HECW1: variants seen among roughly 807,000 people sequenced by gnomAD.
HECW1 encodes the protein HECT, C2 and WW domain containing E3 ubiquitin protein ligase 1.
A neutral mutation model predicts 182.3 loss-of-function variants in HECW1; 61 were observed. The observed-to-expected ratio is 0.33, with a 90% CI of 0.27 to 0.41. HECW1 has a LOEUF of 0.41. HECW1 is among the 10% of genes least tolerant of loss of function. HECW1 has a pLI of 1.00. For synonymous variants in HECW1, 859 were observed against 832.6 expected (o/e 1.03, Z -0.55); for missense variants, 1,739 against 2,108.9 (o/e 0.82, Z 3.44).
At chr7:43,537,326 G>T (rs1046525739) in intron 24 of HECW1, among the ~76,000 whole-genome samples, 7 of 152,192 alleles carry the variant, frequency 4.6e-5, no homozygotes, top group African/African-American at 1.7e-4. Flanking sequence ...CGAAACCTCA[G>T]CATTTAATTT....
At chr7:43,321,783 CT>C (rs148265202) in intron 5 of HECW1, among the ~76,000 whole-genome samples, 10,622 of 152,254 alleles carry the variant, frequency 0.07, 477 homozygotes, top group Middle Eastern at 0.13. Flanking sequence ...TTTTCATTCA[CT>C]CTTATTTTCA....
chr7:43,383,245 G>A (rs980368680), intron 6 of HECW1, among the ~76,000 whole-genome samples: 5 of 152,128 alleles, frequency 3.3e-5, no homozygotes, highest in Admixed American at 6.5e-5. Context: ...ATAAACATAT[G>A]TGTGCATGTG....
intron 2 of HECW1, among the ~76,000 whole-genome samples, chr7:43,182,808 A>G (rs1463890939): frequency 6.6e-6 from 1 of 152,172 alleles, no homozygotes; most frequent in African/African-American, 2.4e-5. Flanking sequence ...CTTCCAGTCA[A>G]TGAACATGGG....
Position 43,445,202 on chromosome 7 carries a change from G to C in HECW1, c.2030G>C (p.Cys677Ser). ...DHSCEGCDAS[C>S]CSPSCYSSSC... is the part of the protein sequence containing the mutation. ...AGTTGCGAGGGCTGTGACGCGTCCT[G>C]CTGCAGCCCCTCGTGCTACAGCTCC... The change falls in exon 11 of 30, where the codon TGC (cysteine) becomes TCC (serine). Residue 677 changes from cysteine (C) to serine (S), a missense_variant. Transcript: ENST00000395891. 1 of 1,613,202 alleles carries C rather than the reference G, an allele frequency of 6.2e-7. No homozygotes were observed. Among genetic ancestry groups the C allele is most frequent in the Non-Finnish European group, 8.5e-7 (1 of 1,179,818 alleles).
In HECW1 at chr7:43,429,452, C is replaced by T. The variant is rs147505741; in HGVS notation, c.802-8551C>T. Among the ~76,000 whole-genome samples, 165 of 151,678 alleles carry T rather than the reference C, an allele frequency of 1.1e-3. 1 individual carries two copies. The East Asian group carries it at 0.021, about 19-fold the overall frequency. On this transcript the variant is annotated intron_variant, in intron 8 of 29. Coordinates refer to ENST00000395891, the MANE Select transcript of HECW1 (RefSeq NM_015052.5). ...CTACTGGGAGGGGCAGATCTTCTCC[C>T]ATGACCAGACTCCAAGGGCACCACT...
At chr7:43,351,178 G>C (rs1451332622) in intron 5 of HECW1, among the ~76,000 whole-genome samples, 2 of 152,138 alleles carry the variant, frequency 1.3e-5, no homozygotes, top group Non-Finnish European at 2.9e-5. Context: ...CCTCCAGGCT[G>C]TTACTGGGGG....
At chr7:43,259,867 A>T (rs1450487679) in intron 3 of HECW1, among the ~76,000 whole-genome samples, 2 of 152,216 alleles carry the variant, frequency 1.3e-5, no homozygotes, top group Non-Finnish European at 2.9e-5. Flanking sequence ...TCCTAGAATA[A>T]TGAGAGAGAG....
At chr7:43,474,240 C>G (rs757170067) in intron 16 of HECW1, among the ~76,000 whole-genome samples, 44 of 152,112 alleles carry the variant, frequency 2.9e-4, no homozygotes, top group Middle Eastern at 3.4e-3. Flanking sequence ...ACGAGGTCAG[C>G]AGATCGAGAC....
intron 23 of HECW1, chr7:43,508,684 G>A (rs2079708889): frequency 2.4e-6 from 1 of 424,492 alleles, no homozygotes; most frequent in Non-Finnish European, 4.3e-6. Flanking sequence ...CCAGCTGTGT[G>A]TTTTAGCTCA....
At chr7:43,426,746 A>G (rs1241854996) in intron 8 of HECW1, among the ~76,000 whole-genome samples, 2 of 152,188 alleles carry the variant, frequency 1.3e-5, no homozygotes, top group Non-Finnish European at 2.9e-5. Context: ...TGTTCTGGTT[A>G]CATGATGTTT....
chr7:43,477,467 G>A (rs370540376), intron 16 of HECW1, among the ~76,000 whole-genome samples: 5 of 152,112 alleles, frequency 3.3e-5, no homozygotes, highest in South Asian at 2.1e-4. Context: ...TGTTTAAAAA[G>A]CATGTTGATG....
intron 6 of HECW1, among the ~76,000 whole-genome samples, chr7:43,373,776 T>G (rs965474105): frequency 2.0e-5 from 3 of 152,168 alleles, no homozygotes; most frequent in African/African-American, 7.2e-5. Flanking sequence ...CTGTCCCCAC[T>G]AAACACCAGC....
Position 43,213,662 on chromosome 7 carries a change from G to A in HECW1, c.-31-30213G>A, listed in dbSNP as rs371078204. 5.3e-5 allele frequency among the ~76,000 whole-genome samples: 8 copies of A among 151,882 alleles called. No individual in the cohort carries two copies. In the East Asian group the frequency reaches 5.8e-4, roughly 11 times the overall value. On this transcript the variant is annotated intron_variant, in intron 2 of 29. Coordinates refer to ENST00000395891, the MANE Select transcript of HECW1 (RefSeq NM_015052.5). ...GGGTTTCACCGTGTTAGCCAGGATG[G>A]TCTCGATCTCCTGACCTCGTGATCC...
chr7:43,429,289 C>CATATATATATATATAT (rs57627873), intron 8 of HECW1, among the ~76,000 whole-genome samples: 1 of 106,698 alleles, frequency 9.4e-6, no homozygotes, highest in Non-Finnish European at 1.9e-5. Context: ...ATATTATATG[C>CATATATATATATATAT]ATATATATAT....
At chr7:43,461,778 G>T (rs1465169036) in intron 13 of HECW1, among the ~76,000 whole-genome samples, 1 of 152,148 alleles carries the variant, frequency 6.6e-6, no homozygotes, top group African/African-American at 2.4e-5. Flanking sequence ...GTTCTAAGAG[G>T]CCGGCTCAGG....
intron 8 of HECW1, among the ~76,000 whole-genome samples, chr7:43,416,867 A>C (rs552133045): frequency 5.7e-3 from 1 of 176 alleles, no homozygotes; most frequent in Non-Finnish European, 9.8e-3. Context: ...AGGTGAGGCA[A>C]TGCTCGCCCT....
chr7:43,245,132 C>A (rs989868398), intron 3 of HECW1, among the ~76,000 whole-genome samples: 1 of 152,234 alleles, frequency 6.6e-6, no homozygotes, highest in Non-Finnish European at 1.5e-5. Context: ...CATCCAGGAA[C>A]AGTGTCAGCA....
intron 8 of HECW1, among the ~76,000 whole-genome samples, chr7:43,423,251 A>AT (rs1329691386): frequency 1.3e-5 from 2 of 152,188 alleles, no homozygotes; most frequent in Non-Finnish European, 2.9e-5. Context: ...TTCACAAATG[A>AT]TTTTTTAAGT....
At chr7:43,365,947 A>T (rs1327614168) in intron 6 of HECW1, among the ~76,000 whole-genome samples, 1 of 152,146 alleles carries the variant, frequency 6.6e-6, no homozygotes, top group East Asian at 1.9e-4. Context: ...ATAAAAAATA[A>T]AATAATATTA....
Sources: gnomAD v4.1 joint callset for allele counts (sites outside exome capture counted in the v4.1 genomes callset) on GRCh38, gnomAD v4.1.1 for gene constraint, MANE v1.5 for transcripts, NCBI Gene and HGNC (gene_info 2026-07-23, HGNC 2026-07-21) for gene names.